Variants in VPS13B observed in about 807,000 individuals in gnomAD.
The protein encoded by VPS13B is vacuolar protein sorting 13 homolog B.
Under a neutral mutation model 426.4 loss-of-function variants are expected in VPS13B, and 285 were observed. That is an observed-to-expected ratio of 0.67 (90% CI 0.61 to 0.74). The LOEUF (loss-of-function observed/expected upper bound fraction) is 0.74. VPS13B is among the 30% of genes least tolerant of loss of function. The pLI, the probability that VPS13B is intolerant of heterozygous loss-of-function variation, is 0.00. For synonymous variants in VPS13B, 1,676 were observed against 1,676.4 expected (o/e 1.00, Z 0.01); for missense variants, 4,537 against 4,782.6 (o/e 0.95, Z 1.51).
chr8:99,809,250 G>A (rs937412404), intron 43 of VPS13B, 125 bp from the exon 44 acceptor site: 2 of 1,244,246 alleles, frequency 1.6e-6, no homozygotes. Flanking sequence ...AATAATGCAG[G>A]TTAGAAAGAA....
chr8:99,430,702 A>ACC (rs796824615), intron 21 of VPS13B, among the ~76,000 whole-genome samples: 10,192 of 123,394 alleles, frequency 0.083, 414 homozygotes, highest in African/African-American at 0.16. Flanking sequence ...ATCAAAATCC[A>ACC]CCCCCCCCCC....
At chr8:99,146,559 T>C (rs1286462536) in intron 13 of VPS13B, among the ~76,000 whole-genome samples, 1 of 152,180 alleles carries the variant, frequency 6.6e-6, no homozygotes, top group Non-Finnish European at 1.5e-5. Context: ...TAATGGAATA[T>C]TGGGTTGGCT....
rs755013277 is a variant in VPS13B at position 99,699,823 on chromosome 8, G to C, written c.6345G>C (p.Gln2115His). The change falls in exon 36 of 62, where the codon CAG becomes CAC. Residue 2115 changes from glutamine (Q) to histidine (H), a missense_variant. Gln to His is a conservative substitution (Grantham distance 24). Coordinates refer to ENST00000357162, the MANE Select transcript of VPS13B (RefSeq NM_152564.5). ...AAAAAATTTCTGTTCAAACTACTCAGATTGTGATCTCCATGGAAACTGTAC... is the reference window on the plus strand; with the variant it reads ...AAAAAATTTCTGTTCAAACTACTCACATTGTGATCTCCATGGAAACTGTAC... Reference protein sequence around the residue: ...CFQKISVQTTQIVISMETVPH... With the variant: ...CFQKISVQTTHIVISMETVPH... The C allele has an allele frequency of 6.2e-7, 1 of 1,613,824 alleles. No individual in the cohort carries two copies.
intron 5 of VPS13B, among the ~76,000 whole-genome samples, chr8:99,106,036 C>T (rs956632241): frequency 2.0e-5 from 3 of 152,050 alleles, no homozygotes; most frequent in African/African-American, 4.8e-5. Flanking sequence ...AACCCTTTAA[C>T]TCTCTGAGGA....
chr8:99,543,654 A>C (rs1410100742), intron 30 of VPS13B, among the ~76,000 whole-genome samples: 12 of 150,414 alleles, frequency 8.0e-5, no homozygotes, highest in African/African-American at 2.9e-4. Context: ...TGGGCAAAGG[A>C]CATGAACAGA....
intron 17 of VPS13B, among the ~76,000 whole-genome samples, chr8:99,258,456 T>A (rs1022286323): frequency 1.3e-5 from 2 of 152,040 alleles, no homozygotes; most frequent in African/African-American, 4.8e-5. Context: ...ATCATTCTTC[T>A]CCTGACATAG....
At chr8:99,337,529 G>T (rs1466443313) in intron 19 of VPS13B, among the ~76,000 whole-genome samples, 1 of 150,010 alleles carries the variant, frequency 6.7e-6, no homozygotes, top group African/African-American at 2.4e-5. Flanking sequence ...AGATTCCTAA[G>T]GGGAAAAAAA....
At chr8:99,053,735 C>T (rs1457976244) in intron 3 of VPS13B, among the ~76,000 whole-genome samples, 1 of 145,372 alleles carries the variant, frequency 6.9e-6, no homozygotes, top group Admixed American at 7.0e-5. Flanking sequence ...CAGAATCTCA[C>T]TTGGCCACCC....
intron 31 of VPS13B, among the ~76,000 whole-genome samples, 177 bp from the exon 32 acceptor site, chr8:99,575,481 T>G (rs1825732777): frequency 6.6e-6 from 1 of 152,234 alleles, no homozygotes. Flanking sequence ...TCATCTTTTG[T>G]AAATCTTATG....
chr8:99,113,586 C>T lies in VPS13B; in HGVS notation c.763-2114C>T, dbSNP rs112204685. 8.8e-3 allele frequency among the ~76,000 whole-genome samples: 1,335 copies of T among 151,966 alleles called. 10 individuals carry two copies. Among genetic ancestry groups the T allele is most frequent in the Non-Finnish European group, 0.013 (912 of 67,972 alleles). On this transcript the variant is annotated intron_variant, in intron 6 of 61. Coordinates refer to ENST00000357162, the MANE Select transcript of VPS13B (RefSeq NM_152564.5). ...TTTCTTTTCTTCTTTTTTTTTGAGACGGAGTCTTGCTCTTGTTGACCAGGC... is the reference window on the plus strand; with the variant it reads ...TTTCTTTTCTTCTTTTTTTTTGAGATGGAGTCTTGCTCTTGTTGACCAGGC...
At chr8:99,215,070 C>T (rs372631638) in intron 17 of VPS13B, among the ~76,000 whole-genome samples, 1 of 152,154 alleles carries the variant, frequency 6.6e-6, no homozygotes, top group Non-Finnish European at 1.5e-5. Context: ...TCCTCAAAGG[C>T]AGGTTGCATG....
At chr8:99,167,130 G>A (rs1440917718) in intron 15 of VPS13B, among the ~76,000 whole-genome samples, 4 of 152,156 alleles carry the variant, frequency 2.6e-5, no homozygotes, top group Non-Finnish European at 5.9e-5. Context: ...CATGTGAAAT[G>A]AGATGATTGA....
chr8:99,754,881 C>T (rs754732478), intron 39 of VPS13B, among the ~76,000 whole-genome samples: 1 of 152,134 alleles, frequency 6.6e-6, no homozygotes, highest in Non-Finnish European at 1.5e-5. Flanking sequence ...AGGCCTCCCC[C>T]AACCCCCATG....
intron 17 of VPS13B, among the ~76,000 whole-genome samples, chr8:99,266,345 G>A (rs376154074): frequency 1.6e-4 from 24 of 152,074 alleles, no homozygotes; most frequent in African/African-American, 4.8e-4. Context: ...CCAGGAGCTC[G>A]ATATTACAGT....
At chr8:99,781,370 G>GT (rs1812012618) in intron 42 of VPS13B, among the ~76,000 whole-genome samples, 1 of 152,152 alleles carries the variant, frequency 6.6e-6, no homozygotes, top group African/African-American at 2.4e-5. Flanking sequence ...CCAAAATGGT[G>GT]TATCTGTTTA....
chr8:99,039,906 C>A (rs1002410416), intron 3 of VPS13B, among the ~76,000 whole-genome samples: 2 of 151,964 alleles, frequency 1.3e-5, no homozygotes, highest in Admixed American at 1.3e-4. Context: ...TTGTGAACTT[C>A]TAATATTTGA....
At chr8:99,623,237 T>G (rs1299248336) in intron 33 of VPS13B, among the ~76,000 whole-genome samples, 1 of 152,148 alleles carries the variant, frequency 6.6e-6, no homozygotes, top group Non-Finnish European at 1.5e-5. Context: ...TTTGCAAAGG[T>G]GCTTTCCCAG....
chr8:99,168,268 A>G (rs1812128731), intron 15 of VPS13B, among the ~76,000 whole-genome samples: 1 of 152,102 alleles, frequency 6.6e-6, no homozygotes, highest in African/African-American at 2.4e-5. Context: ...TTTTAAAAAA[A>G]TGACAGAATA....
intron 30 of VPS13B, among the ~76,000 whole-genome samples, chr8:99,533,641 T>C (rs1488276506): frequency 2.6e-5 from 4 of 152,242 alleles, no homozygotes; most frequent in Admixed American, 2.0e-4. Context: ...CATTCTTTTA[T>C]TGATGAGCTT....
Sources: allele counts gnomAD v4.1 joint callset (sites outside exome capture counted in the v4.1 genomes callset), GRCh38; gene constraint gnomAD v4.1.1; transcripts MANE v1.5; gene names NCBI Gene and HGNC (gene_info 2026-07-23, HGNC 2026-07-21).